ETV6: variants seen among roughly 807,000 people sequenced by gnomAD.
The protein encoded by ETV6 is transcription factor ETV6.
In ETV6, 16 loss-of-function variants were observed where a neutral mutation model predicts 51.1. The ratio of observed to expected loss-of-function variants is 0.31; its 90% CI spans 0.21 to 0.48. The LOEUF (loss-of-function observed/expected upper bound fraction) is 0.48. Ranked by LOEUF, ETV6 falls within the 20% of genes least tolerant of loss-of-function variation. ETV6 has a pLI of 0.99. For missense variants in ETV6, 458 were observed against 594.8 expected, an observed-to-expected ratio of 0.77 and a Z score of 2.39; for synonymous variants, 240 against 224.1, an observed-to-expected ratio of 1.07 and a Z score of -0.64.
chr12:11,750,666 G>A (rs1393654668), intron 1 of ETV6, among the ~76,000 whole-genome samples: 1 of 152,102 alleles, frequency 6.6e-6, no homozygotes, highest in Non-Finnish European at 1.5e-5. Flanking sequence ...TTTGGGGGGT[G>A]TCAGACAAGA....
chr12:11,848,551 C>T (rs922142485), intron 3 of ETV6, among the ~76,000 whole-genome samples: 4 of 152,246 alleles, frequency 2.6e-5, no homozygotes, highest in East Asian at 1.9e-4. Flanking sequence ...TCTCAAAGAA[C>T]GTGCCTGGCT....
chr12:11,830,981 A>G lies in ETV6; in HGVS notation c.164-8159A>G, dbSNP rs369751909. 2.5e-3 allele frequency among the ~76,000 whole-genome samples: 383 copies of G among 152,306 alleles called. 12 individuals are homozygous for G. The South Asian group carries it at 0.076, about 30-fold the overall frequency. On this transcript the variant is annotated intron_variant, in intron 2 of 7. Transcript: ENST00000396373. ...GATGTGTTTTCTTGACTTAAGACAA[A>G]TTTTTAAAATGTAGGGAAAAGTATT...
intron 2 of ETV6, among the ~76,000 whole-genome samples, chr12:11,781,917 C>T (rs144370427): frequency 2.6e-5 from 4 of 152,164 alleles, no homozygotes; most frequent in African/African-American, 9.6e-5. Flanking sequence ...TGTGGCATAC[C>T]GCTAGAGACT....
At position 11,891,658 on chromosome 12, in the gene ETV6, C is replaced by CT; in HGVS notation, c.*613dup. 5.8e-6 allele frequency: 3 copies of CT among 521,284 alleles called. No homozygotes were observed. In the Admixed American group the frequency reaches 7.2e-5, roughly 13 times the overall value. 32.3% of individuals were successfully genotyped at this position (521,284 alleles called of 1,614,324 possible). A position where few individuals can be genotyped will look rare whatever the true frequency, so the allele number is the denominator to read the frequency against. On this transcript the variant is annotated 3_prime_UTR_variant, in exon 8 of 8. Coordinates refer to ENST00000396373, the MANE Select transcript of ETV6 (RefSeq NM_001987.5). ...GAAAAGGAGAGCTCTCTTTTTCTCT[C>CT]TCTTGCTCTGTTCTTCCCTTGGTCC... is the stretch of plus-strand genomic sequence containing the variant.
chr12:11,758,517 C>T (rs573094632), intron 2 of ETV6, among the ~76,000 whole-genome samples: 237 of 152,294 alleles, frequency 1.6e-3, no homozygotes, highest in Non-Finnish European at 2.5e-3. Context: ...TGCTTTCAAA[C>T]GATCCCCTGT....
At chr12:11,730,911 A>C (rs1201732214) in intron 1 of ETV6, among the ~76,000 whole-genome samples, 1 of 152,116 alleles carries the variant, frequency 6.6e-6, no homozygotes, top group Non-Finnish European at 1.5e-5. Flanking sequence ...GGTGGCTTTA[A>C]GCTGTTTCTG....
chr12:11,701,389 G>A (rs923889142), intron 1 of ETV6, among the ~76,000 whole-genome samples: 1 of 152,094 alleles, frequency 6.6e-6, no homozygotes, highest in Non-Finnish European at 1.5e-5. Context: ...TTGACCTTTT[G>A]TGACTGGCTT....
intron 2 of ETV6, among the ~76,000 whole-genome samples, chr12:11,798,900 A>AT (rs1194552941): frequency 1.3e-5 from 2 of 152,064 alleles, no homozygotes; most frequent in African/African-American, 4.8e-5. Flanking sequence ...CAATAACTGC[A>AT]TTTTTTTCTC....
chr12:11,864,562 G>A (rs1317379511), intron 4 of ETV6, among the ~76,000 whole-genome samples: 1 of 152,136 alleles, frequency 6.6e-6, no homozygotes, highest in Non-Finnish European at 1.5e-5. Context: ...AGGGACAAAA[G>A]ATAAATACAT....
At chr12:11,777,323 C>T (rs1247649360) in intron 2 of ETV6, among the ~76,000 whole-genome samples, 1 of 151,128 alleles carries the variant, frequency 6.6e-6, no homozygotes, top group Non-Finnish European at 1.5e-5. Flanking sequence ...TCTCTCTCTT[C>T]AGAGTCATCT....
chr12:11,775,541 T>C (rs187771448), intron 2 of ETV6, among the ~76,000 whole-genome samples: 1 of 152,342 alleles, frequency 6.6e-6, no homozygotes, highest in African/African-American at 2.4e-5. Flanking sequence ...TGCTAGGCAC[T>C]GTGAATACCG....
chr12:11,650,505 A>ACC (rs1555109539), intron 1 of ETV6, among the ~76,000 whole-genome samples: 6 of 19,400 alleles, frequency 3.1e-4, no homozygotes, highest in African/African-American at 3.9e-4. Context: ...ACAAAAAACA[A>ACC]AAAAAAAAAA....
chr12:11,686,916 G>C (rs1861486), intron 1 of ETV6, among the ~76,000 whole-genome samples: 36,115 of 151,716 alleles, frequency 0.24, 7,288 homozygotes, highest in African/African-American at 0.55. Context: ...TAGACAGAGT[G>C]TAACTCTCAC....
chr12:11,882,944 T>C (rs1947122982), intron 5 of ETV6, among the ~76,000 whole-genome samples: 1 of 152,246 alleles, frequency 6.6e-6, no homozygotes, highest in South Asian at 2.1e-4. Flanking sequence ...CAAATCCTTG[T>C]GACCTCAGGC....
intron 5 of ETV6, among the ~76,000 whole-genome samples, chr12:11,880,762 C>T (rs867185107): frequency 2.0e-5 from 3 of 152,080 alleles, no homozygotes; most frequent in Non-Finnish European, 4.4e-5. Context: ...ACAACCAGGT[C>T]GTTTCTTAAT....
intron 2 of ETV6, among the ~76,000 whole-genome samples, chr12:11,779,340 A>G (rs1336931244): frequency 6.6e-6 from 1 of 152,180 alleles, no homozygotes; most frequent in Non-Finnish European, 1.5e-5. Context: ...TCAGTACTGA[A>G]TTTGTTCAGT....
intron 1 of ETV6, among the ~76,000 whole-genome samples, chr12:11,670,471 A>G (rs1477243698): frequency 6.6e-6 from 1 of 152,240 alleles, no homozygotes; most frequent in Non-Finnish European, 1.5e-5. Flanking sequence ...ACCTTTACTC[A>G]AGTAGTTATA....
rs1491290450 is a variant in ETV6, at chr12:11,893,841, T to TATATATATATATATATAC, written c.*2796_*2797insTATATATATATATATACA. 3 of 57,322 alleles carry TATATATATATATATATAC rather than the reference T, an allele frequency of 5.2e-5. No individual in the cohort carries two copies. Among genetic ancestry groups the TATATATATATATATATAC allele is most frequent in the African/African-American group, 1.9e-4 (3 of 15,698 alleles). 3.6% of individuals were successfully genotyped at this position (57,322 alleles called of 1,614,324 possible). The stretch of plus-strand genomic sequence containing the variant: ...ATATATATATATATATATATATATA[T>TATATATATATATATATAC]ACACACACACACACATACACAAATA... On this transcript the variant is annotated 3_prime_UTR_variant, in exon 8 of 8. Coordinates refer to ENST00000396373, the MANE Select transcript of ETV6 (RefSeq NM_001987.5).
intron 2 of ETV6, among the ~76,000 whole-genome samples, chr12:11,761,086 C>T (rs1199803317): frequency 2.0e-5 from 3 of 152,076 alleles, no homozygotes; most frequent in Non-Finnish European, 2.9e-5. Flanking sequence ...AATTTGAATC[C>T]GTATCTAATT....
Sources: gnomAD v4.1 joint callset for allele counts (sites outside exome capture counted in the v4.1 genomes callset) on GRCh38, gnomAD v4.1.1 for gene constraint, MANE v1.5 for transcripts, NCBI Gene and HGNC (gene_info 2026-07-23, HGNC 2026-07-21) for gene names.